The following NDRG4 variants were observed in gnomAD, a reference collection of about 807,000 sequenced individuals.
The protein encoded by NDRG4 is protein NDRG4.
NDRG4 carries 38 observed loss-of-function variants against 55.8 expected under a neutral mutation model. The observed-to-expected ratio is 0.68, with a 90% CI of 0.53 to 0.89. The LOEUF is 0.89. Among genes scored for constraint, NDRG4 ranks in the 40% least tolerant of loss-of-function variants. The pLI, the probability that NDRG4 is intolerant of heterozygous loss-of-function variation, is 0.00. For missense variants in NDRG4, 455 were observed against 468.6 expected (o/e 0.97, Z 0.27); for synonymous variants, 190 against 182.7 (o/e 1.04, Z -0.32).
chr16:58,475,494 G>A (rs1046841640), intron 1 of NDRG4: 8 of 404,272 alleles, frequency 2.0e-5, no homozygotes, highest in Non-Finnish European at 2.9e-5. Context: ...CCTTTAGCAC[G>A]ATAGGGTGGG....
Position 58,512,016 on chromosome 16 carries a change from T to A in NDRG4, c.*440T>A. The A allele has an allele frequency of 4.3e-6, 2 of 459,836 alleles. No homozygotes were observed. Among genetic ancestry groups the A allele is most frequent in the Non-Finnish European group, 8.7e-6 (2 of 229,272 alleles). 28.5% of individuals were successfully genotyped at this position (459,836 alleles called of 1,614,324 possible). On this transcript the variant is annotated 3_prime_UTR_variant, in exon 15 of 15. Coordinates refer to ENST00000570248, the MANE Select transcript of NDRG4 (RefSeq NM_001242835.2). Reference sequence around the variant, plus strand: ...CCCTGGGAGACCCCTTCCCCCACCCTCCACCAAGCACACCTGTTTCTGTCT... The same window carrying A: ...CCCTGGGAGACCCCTTCCCCCACCCACCACCAAGCACACCTGTTTCTGTCT...
chr16:58,500,332 C>T (rs1405401290), intron 1 of NDRG4, 63 bp downstream of exon 1: 49 of 1,521,808 alleles, frequency 3.2e-5, no homozygotes, highest in African/African-American at 5.5e-5. Context: ...TATGACCCAC[C>T]GCAGGGAGGA....
chr16:58,508,270 A>C (rs1039182919), intron 10 of NDRG4, among the ~76,000 whole-genome samples: 1 of 152,206 alleles, frequency 6.6e-6, no homozygotes, highest in Non-Finnish European at 1.5e-5. Context: ...CCAGCAGCAC[A>C]GCCCCAACTT....
intron 1 of NDRG4, chr16:58,475,631 C>T (rs976885374): frequency 2.0e-5 from 9 of 455,840 alleles, no homozygotes; most frequent in African/African-American, 1.8e-4. Context: ...ATAGAGGATT[C>T]CCAAATCATG....
chr16:58,493,572 C>T (rs1193991042), intron 2 of NDRG4, among the ~76,000 whole-genome samples: 1 of 152,150 alleles, frequency 6.6e-6, no homozygotes, highest in Non-Finnish European at 1.5e-5. Flanking sequence ...CCTGGCCAAT[C>T]CATGTATTTA....
In NDRG4 at chr16:58,511,808, T is replaced by C. The variant is rs1449809941; in HGVS notation, c.*232T>C. On this transcript the variant is annotated 3_prime_UTR_variant, in exon 15 of 15. Coordinates refer to ENST00000570248, the MANE Select transcript of NDRG4 (RefSeq NM_001242835.2). ...GTGGTAACTTAGCCAACTTGACCCC[T>C]CTCATCCCACTCCCGGCGGCCCAGG... The C allele has an allele frequency of 9.9e-6, 6 of 605,136 alleles. No individual in the cohort carries two copies. The highest frequency in any genetic ancestry group is 1.5e-5 in the Non-Finnish European group (5 of 332,922). The allele number at this position is 605,136 out of a possible 1,614,324, so 37.5% of individuals were successfully genotyped here. A position where few individuals can be genotyped will look rare whatever the true frequency, so the allele number is the denominator to read the frequency against.
At chr16:58,500,495 G>T (rs1374215543) in intron 1 of NDRG4, 6 of 567,820 alleles carry the variant, frequency 1.1e-5, no homozygotes, top group Non-Finnish European at 1.5e-5. Context: ...CCATAGCAGG[G>T]GCTGGGGGGA....
intron 2 of NDRG4, among the ~76,000 whole-genome samples, chr16:58,488,030 T>TCA (rs758257584): frequency 1.3e-5 from 2 of 151,834 alleles, no homozygotes; most frequent in Non-Finnish European, 2.9e-5. Context: ...CCAGCCAGCC[T>TCA]CACGGTGGCT....
intron 10 of NDRG4, among the ~76,000 whole-genome samples, chr16:58,508,628 C>T (rs2038365800): frequency 6.6e-6 from 1 of 152,206 alleles, no homozygotes; most frequent in East Asian, 1.9e-4. Context: ...TCTCTCAGAC[C>T]CTCGGCACCC....
intron 1 of NDRG4, among the ~76,000 whole-genome samples, chr16:58,486,691 ACTGG>A (rs2035117059): frequency 7.4e-6 from 1 of 134,420 alleles, no homozygotes; most frequent in Non-Finnish European, 1.6e-5. Context: ...TTCCCTCACC[ACTGG>A]CTCCTACACA....
At chr16:58,506,693 TG>T (rs2038077653) in intron 7 of NDRG4, 79 bp downstream of exon 7, 1 of 1,478,274 alleles carries the variant, frequency 6.8e-7, no homozygotes, top group Middle Eastern at 2.3e-4. Flanking sequence ...GGCAGGCGGG[TG>T]TCTTTGGCAT....
chr16:58,465,569 G>T (rs2031450201), intron 1 of NDRG4, among the ~76,000 whole-genome samples: 1 of 143,436 alleles, frequency 7.0e-6, no homozygotes, highest in African/African-American at 2.5e-5. Flanking sequence ...GGGCTAGAAG[G>T]TGGGGGTGGG....
At position 58,511,088 on chromosome 16, in the gene NDRG4, TATGCGA is replaced by T. The variant is rs1420727393; in HGVS notation, c.905-333_905-328del. The T allele has an allele frequency of 5.3e-5, 25 of 471,984 alleles. No individual in the cohort carries two copies. The East Asian group carries it at 8.4e-4, about 16-fold the overall frequency. The allele number at this position is 471,984 out of a possible 1,614,324, so 29.2% of individuals were successfully genotyped here. The stretch of plus-strand genomic sequence containing the variant: ...AGGGCACAGTCTGAATTGAGGGCAG[TATGCGA>T]CCACCGCTCCGCGTCCTCCTTTACA... On this transcript the variant is annotated intron_variant, in intron 14 of 14. Coordinates refer to ENST00000570248, the MANE Select transcript of NDRG4 (RefSeq NM_001242835.2).
In NDRG4 at chr16:58,513,577, G is replaced by C. The variant is rs1363620675; in HGVS notation, c.*2001G>C. 1 of 143,416 alleles carries C rather than the reference G, an allele frequency of 7.0e-6. No homozygotes were observed. The highest frequency in any genetic ancestry group is 1.5e-5 in the Non-Finnish European group (1 of 64,654). 8.9% of individuals were successfully genotyped at this position (143,416 alleles called of 1,614,324 possible). On this transcript the variant is annotated 3_prime_UTR_variant, in exon 15 of 15. Coordinates refer to ENST00000570248, the MANE Select transcript of NDRG4 (RefSeq NM_001242835.2). The stretch of plus-strand genomic sequence containing the variant: ...CAGTACACGTCACATTATTTTACCG[G>C]TGAGATGAGAATGTCACAAACATTA...
upstream of NDRG4, among the ~76,000 whole-genome samples, chr16:58,495,207 G>A (rs140433053): frequency 6.5e-4 from 99 of 152,326 alleles, no homozygotes; most frequent in African/African-American, 2.2e-3. Flanking sequence ...AGTGAGAATG[G>A]AAAAGAGAGT....
chr16:58,500,374 C>T, intron 1 of NDRG4, 105 bp downstream of exon 1: 1 of 1,432,684 alleles, frequency 7.0e-7, no homozygotes. Context: ...CTGGTGGCAG[C>T]CCGGCCTTCA....
At chr16:58,485,324 A>G (rs1306342259) in intron 1 of NDRG4, among the ~76,000 whole-genome samples, 1 of 152,056 alleles carries the variant, frequency 6.6e-6, no homozygotes, top group Non-Finnish European at 1.5e-5. Context: ...GGTTCTCTGG[A>G]TGATGAGGTC....
intron 1 of NDRG4, among the ~76,000 whole-genome samples, chr16:58,468,915 G>A (rs1005654032): frequency 3.3e-5 from 5 of 152,184 alleles, no homozygotes; most frequent in African/African-American, 1.2e-4. Context: ...AGTTGTTTCT[G>A]CGCATTGGCA....
At chr16:58,466,321 C>CA (rs1198715204) in intron 1 of NDRG4, among the ~76,000 whole-genome samples, 3 of 152,220 alleles carry the variant, frequency 2.0e-5, no homozygotes, top group African/African-American at 4.8e-5. Context: ...CAGCCCCCAC[C>CA]ATGGGTTTTT....
Sources: gnomAD v4.1 joint callset for allele counts (sites outside exome capture counted in the v4.1 genomes callset) on GRCh38, gnomAD v4.1.1 for gene constraint, MANE v1.5 for transcripts, NCBI Gene and HGNC (gene_info 2026-07-23, HGNC 2026-07-21) for gene names.